Variants in TMTC2 observed in about 807,000 individuals in gnomAD.
TMTC2 encodes protein O-mannosyl-transferase TMTC2.
In TMTC2, 43 loss-of-function variants were observed where a neutral mutation model predicts 82.4. The observed-to-expected ratio is 0.52, with a 90% CI of 0.41 to 0.67. The LOEUF is 0.67. TMTC2 is among the 30% of genes least tolerant of loss of function. The pLI is 0.00. For synonymous variants in TMTC2, 408 were observed against 381.9 expected, an observed-to-expected ratio of 1.07 and a Z score of -0.80; for missense variants, 919 against 1,012.4, an observed-to-expected ratio of 0.91 and a Z score of 1.25.
intron 1 of TMTC2, among the ~76,000 whole-genome samples, chr12:82,689,148 G>T (rs139163926): frequency 1.5e-3 from 228 of 152,272 alleles, no homozygotes; most frequent in African/African-American, 5.4e-3. Context: ...GTGTAATGGT[G>T]CACCTGCTAT....
chr12:82,815,411 C>A (rs1033491004), intron 1 of TMTC2, among the ~76,000 whole-genome samples: 1 of 151,684 alleles, frequency 6.6e-6, no homozygotes, highest in African/African-American at 2.4e-5. Flanking sequence ...CCCGAGTTGA[C>A]GCCATTGTCC....
At chr12:82,733,736 T>G (rs1486853417) in intron 1 of TMTC2, among the ~76,000 whole-genome samples, 1 of 152,226 alleles carries the variant, frequency 6.6e-6, no homozygotes, top group Admixed American at 6.5e-5. Flanking sequence ...CTGGAGATAC[T>G]TTATCTAATA....
At chr12:82,778,139 G>T (rs1362922635) in intron 1 of TMTC2, among the ~76,000 whole-genome samples, 1 of 151,838 alleles carries the variant, frequency 6.6e-6, no homozygotes, top group African/African-American at 2.4e-5. Context: ...TTTTATTAGG[G>T]TCTGCTAATT....
chr12:82,799,010 A>G (rs1878866333), intron 1 of TMTC2, among the ~76,000 whole-genome samples: 2 of 152,102 alleles, frequency 1.3e-5, no homozygotes, highest in African/African-American at 4.8e-5. Context: ...AAAAGATACC[A>G]TTCTTTACCT....
chr12:83,003,168 A>ATT (rs1273008184), intron 8 of TMTC2, among the ~76,000 whole-genome samples: 12 of 152,108 alleles, frequency 7.9e-5, no homozygotes, highest in Non-Finnish European at 1.2e-4. Flanking sequence ...ATCATCATAT[A>ATT]ATACCCTTCC....
At chr12:82,721,347 C>T (rs1011405589) in intron 1 of TMTC2, among the ~76,000 whole-genome samples, 1 of 152,184 alleles carries the variant, frequency 6.6e-6, no homozygotes, top group African/African-American at 2.4e-5. Context: ...AAAATATTGA[C>T]AAAGGAGAAG....
intron 1 of TMTC2, among the ~76,000 whole-genome samples, chr12:82,738,042 C>T (rs1329816775): frequency 6.6e-6 from 1 of 152,130 alleles, no homozygotes; most frequent in African/African-American, 2.4e-5. Context: ...TACTGGGCAG[C>T]ATTGAGTTGC....
chr12:82,926,214 C>T (rs1875708663), intron 3 of TMTC2, among the ~76,000 whole-genome samples: 3 of 152,046 alleles, frequency 2.0e-5, no homozygotes, highest in South Asian at 2.1e-4. Context: ...TTCCTGACCT[C>T]GTGATCCGCC....
chr12:82,976,463 A>T (rs945245764), intron 7 of TMTC2, among the ~76,000 whole-genome samples: 4 of 152,122 alleles, frequency 2.6e-5, no homozygotes, highest in African/African-American at 9.7e-5. Flanking sequence ...ACACTTTCAG[A>T]CTTCAAGAGT....
At chr12:82,693,695 C>T (rs56396658) in intron 1 of TMTC2, among the ~76,000 whole-genome samples, 18,300 of 151,932 alleles carry the variant, frequency 0.12, 1,208 homozygotes, top group East Asian at 0.24. Flanking sequence ...TGTGGCCGGG[C>T]GCGGTGGCTC....
intron 1 of TMTC2, among the ~76,000 whole-genome samples, chr12:82,712,054 C>G (rs1439963749): frequency 1.3e-5 from 2 of 152,134 alleles, no homozygotes; most frequent in Non-Finnish European, 1.5e-5. Flanking sequence ...CATTCTCTCC[C>G]CATTTCCTTT....
chr12:82,970,041 A>G (rs1232592797), intron 7 of TMTC2, among the ~76,000 whole-genome samples: 1 of 152,174 alleles, frequency 6.6e-6, no homozygotes, highest in Non-Finnish European at 1.5e-5. Flanking sequence ...AATTCTGTGG[A>G]CCTCATTTCC....
chr12:82,789,369 T>C (rs932186724), intron 1 of TMTC2, among the ~76,000 whole-genome samples: 1 of 152,114 alleles, frequency 6.6e-6, no homozygotes, highest in East Asian at 1.9e-4. Flanking sequence ...CAAATAGGCT[T>C]AAGTATACTA....
chr12:82,891,151 A>G (rs1873373605), intron 2 of TMTC2, among the ~76,000 whole-genome samples: 1 of 152,198 alleles, frequency 6.6e-6, no homozygotes, highest in African/African-American at 2.4e-5. Flanking sequence ...AATTTGATTT[A>G]ATCCATAAAC....
At chr12:82,742,831 G>A (rs897196615) in intron 1 of TMTC2, among the ~76,000 whole-genome samples, 6 of 152,006 alleles carry the variant, frequency 3.9e-5, no homozygotes, top group African/African-American at 1.4e-4. Context: ...GCTATATCCT[G>A]TATATTCTTC....
chr12:82,920,480 C>T (rs1183497365), intron 3 of TMTC2, among the ~76,000 whole-genome samples: 2 of 152,106 alleles, frequency 1.3e-5, no homozygotes, highest in Admixed American at 1.3e-4. Flanking sequence ...GAACATCAAA[C>T]CATGGCAGAC....
chr12:83,027,424 G>A (rs1881228066), intron 8 of TMTC2, among the ~76,000 whole-genome samples: 1 of 152,056 alleles, frequency 6.6e-6, no homozygotes, highest in South Asian at 2.1e-4. Flanking sequence ...TAGATTATTG[G>A]ATGCTGCAAC....
chr12:82,946,162 C>G (rs904639098), intron 4 of TMTC2, among the ~76,000 whole-genome samples: 10 of 150,492 alleles, frequency 6.6e-5, no homozygotes, highest in African/African-American at 2.5e-4. Context: ...TTCTAGTGAA[C>G]TATATAATTT....
chr12:82,837,710 C>T (rs938137708), intron 1 of TMTC2, among the ~76,000 whole-genome samples: 8 of 152,298 alleles, frequency 5.3e-5, no homozygotes, highest in South Asian at 4.1e-4. Flanking sequence ...AATTTTGCAT[C>T]ATTTAAACCT....
Sources: gnomAD v4.1 joint callset for allele counts (sites outside exome capture counted in the v4.1 genomes callset) on GRCh38, gnomAD v4.1.1 for gene constraint, MANE v1.5 for transcripts, NCBI Gene and HGNC (gene_info 2026-07-23, HGNC 2026-07-21) for gene names.